PSTPIP1: variants seen among roughly 807,000 people sequenced by gnomAD.
PSTPIP1 encodes the protein proline-serine-threonine phosphatase interacting protein 1.
In PSTPIP1, 66 loss-of-function variants were observed where a neutral mutation model predicts 69.6. The ratio of observed to expected loss-of-function variants is 0.95; its 90% CI spans 0.78 to 1.16. The LOEUF (loss-of-function observed/expected upper bound fraction) is 1.16, where lower values mean the gene tolerates loss of function less well. Ranked by LOEUF, PSTPIP1 falls within the 50% of genes most tolerant of loss-of-function variation. PSTPIP1 has a pLI of 0.00. For synonymous variants in PSTPIP1, 266 were observed against 222.7 expected (o/e 1.19, Z -1.73); for missense variants, 603 against 557.4 (o/e 1.08, Z -0.82).
At chr15:77,010,931 C>T (rs187870253) in intron 1 of PSTPIP1, among the ~76,000 whole-genome samples, 1 of 152,286 alleles carries the variant, frequency 6.6e-6, no homozygotes, top group East Asian at 1.9e-4. Flanking sequence ...CAGTTGTGAG[C>T]CACCACGTCC....
chr15:77,020,881 T>TG (rs2076146972), intron 3 of PSTPIP1, among the ~76,000 whole-genome samples: 1 of 43,742 alleles, frequency 2.3e-5, no homozygotes, highest in African/African-American at 6.5e-5. Context: ...GGGGGGGGGG[T>TG]GTGTGTGTTG....
rs1405391731 is a variant in PSTPIP1 at position 77,025,319 on chromosome 15, G to GT, written c.247+2dup. The GT allele has an allele frequency of 1.2e-6, 2 of 1,609,084 alleles. No individual in the cohort carries two copies. The highest frequency in any genetic ancestry group is 3.3e-5 in the Admixed American group (2 of 60,018). On this transcript the variant is annotated splice_donor_variant, in intron 4 of 14. Transcript: ENST00000558012. LOFTEE classifies it high-confidence loss of function. ...GCCTCCTTTGACTCCTTGAAGCAGC[G>GT]TAAGTCCCCTACCCTGGGGCAATGG... is the stretch of plus-strand genomic sequence containing the variant.
chr15:77,001,087 T>G (rs1019750526), intron 1 of PSTPIP1, among the ~76,000 whole-genome samples: 1 of 152,198 alleles, frequency 6.6e-6, no homozygotes, highest in African/African-American at 2.4e-5. Flanking sequence ...GCTTGTGAAT[T>G]TGGTGACCAT....
At chr15:76,994,681 C>T (rs962677285), upstream of PSTPIP1, 3 of 1,133,924 alleles carry the variant, frequency 2.6e-6, no homozygotes, top group African/African-American at 4.8e-5. Context: ...TGCCTGCTCA[C>T]CTTGCCTCTG....
chr15:77,020,227 C>T (rs2152680212), intron 3 of PSTPIP1, among the ~76,000 whole-genome samples: 1 of 152,278 alleles, frequency 6.6e-6, no homozygotes. Flanking sequence ...GGTGGAGGCT[C>T]TGGGCGGCCC....
intron 1 of PSTPIP1, among the ~76,000 whole-genome samples, chr15:77,009,043 C>T (rs763860522): frequency 1.1e-4 from 17 of 152,196 alleles, no homozygotes; most frequent in Non-Finnish European, 2.2e-4. Context: ...ACTCTCTGAG[C>T]CTTGGTTCCT....
At position 77,037,367 on chromosome 15, in the gene PSTPIP1, T is replaced by A; in HGVS notation, c.*191T>A. The A allele has an allele frequency of 1.4e-6, 1 of 690,270 alleles. No individual in the cohort carries two copies. The highest frequency in any genetic ancestry group is 2.0e-5 in the South Asian group (1 of 50,234). The allele number at this position is 690,270 out of a possible 1,614,324, so 42.8% of individuals were successfully genotyped here. A position where few individuals can be genotyped will look rare whatever the true frequency, so the allele number is the denominator to read the frequency against. ...CTGGGGTCCCGTTCTCTTTTTCTCC[T>A]GCTCCAGTGTCCGAGTGCTCAGTTC... On this transcript the variant is annotated 3_prime_UTR_variant, in exon 15 of 15. Coordinates refer to ENST00000558012, the MANE Select transcript of PSTPIP1 (RefSeq NM_003978.5).
chr15:77,027,979 C>A lies in PSTPIP1; in HGVS notation c.417+65C>A. The A allele has an allele frequency of 1.4e-6, 2 of 1,406,014 alleles. No individual in the cohort carries two copies. Among genetic ancestry groups the A allele is most frequent in the Non-Finnish European group, 2.0e-6 (2 of 1,017,526 alleles). The allele number at this position is 1,406,014 out of a possible 1,614,324, so 87.1% of individuals were successfully genotyped here. On this transcript the variant is annotated intron_variant, in intron 6 of 14. Coordinates refer to ENST00000558012, the MANE Select transcript of PSTPIP1 (RefSeq NM_003978.5). The surrounding 1 kb of genome is among the most constrained non-coding windows in gnomAD (Gnocchi z 4.3). ...AGCAGCGCAGGTCTCAGGGTGCGAT[C>A]CTGGGCTGTGGCCCCGGGCAGGGCA...
At chr15:77,033,029 C>T in intron 12 of PSTPIP1, 77 bp downstream of exon 12, 1 of 1,395,204 alleles carries the variant, frequency 7.2e-7, no homozygotes, top group Non-Finnish European at 9.9e-7. Context: ...GCACCTGGCC[C>T]TTCCTCGTTC....
intron 1 of PSTPIP1, among the ~76,000 whole-genome samples, chr15:77,017,827 G>A (rs1286152434): frequency 6.6e-6 from 1 of 152,220 alleles, no homozygotes; most frequent in African/African-American, 2.4e-5. Flanking sequence ...GTCATCAGGG[G>A]GACTTAAGGG....
rs376128040 is a variant in PSTPIP1 at position 77,018,148 on chromosome 15, T to G, written c.37T>G (p.Cys13Gly). ...TGTGTCCTTCTGTCCTGTGTCACAG[T>G]GCAGGGACTTCACAGCCCACACGGG... ...PQLQFKDAFW[C>G]RDFTAHTGYE... is the part of the protein sequence containing the mutation. The change falls in exon 2 of 15, where the codon TGC (cysteine) becomes GGC (glycine). Residue 13 changes from cysteine (C) to glycine (G), a missense_variant and splice_region_variant. Cys to Gly is a radical substitution (Grantham distance 159). Coordinates refer to ENST00000558012, the MANE Select transcript of PSTPIP1 (RefSeq NM_003978.5). The G allele has an allele frequency of 1.1e-4, 177 of 1,575,050 alleles. No individual in the cohort carries two copies. The highest frequency in any genetic ancestry group is 1.3e-4 in the Admixed American group (7 of 53,572).
chr15:77,035,462 T>G, intron 12 of PSTPIP1, 46 bp from the exon 13 acceptor site: 4 of 1,548,042 alleles, frequency 2.6e-6, no homozygotes, highest in Non-Finnish European at 3.5e-6. Flanking sequence ...GGTGGGTCCC[T>G]GAGTGTGGGG....
intron 3 of PSTPIP1, among the ~76,000 whole-genome samples, chr15:77,024,785 C>T (rs565251211): frequency 2.0e-5 from 3 of 151,984 alleles, no homozygotes; most frequent in Middle Eastern, 3.4e-3. Context: ...TCAACTCCTG[C>T]GCCCTGCCCT....
chr15:76,995,617 A>G lies in PSTPIP1; in HGVS notation c.36+8A>G. On this transcript the variant is annotated splice_region_variant and intron_variant, in intron 1 of 14. Transcript: ENST00000558012. ...TTCAAAGATGCCTTTTGGGTGAGTG[A>G]GGATGGTTGGGGGCACTGAACAAGT... 1 of 1,613,344 alleles carries G rather than the reference A, an allele frequency of 6.2e-7. No individual in the cohort carries two copies. The highest frequency in any genetic ancestry group is 1.1e-5 in the South Asian group (1 of 91,052).
intron 14 of PSTPIP1, among the ~76,000 whole-genome samples, chr15:77,036,610 A>C (rs968009704): frequency 3.9e-5 from 6 of 152,086 alleles, no homozygotes; most frequent in African/African-American, 1.4e-4. Flanking sequence ...GACTCCACTG[A>C]TGAGGCCAGG....
rs1405142250 is a variant in PSTPIP1, at chr15:77,027,961, C to T, written c.417+47C>T. 1 of 1,481,938 alleles carries T rather than the reference C, an allele frequency of 6.7e-7. No homozygotes were observed. The highest frequency in any genetic ancestry group is 9.2e-7 in the Non-Finnish European group (1 of 1,085,580). The allele number at this position is 1,481,938 out of a possible 1,614,324, so 91.8% of individuals were successfully genotyped here. ...CGCGGCCTTCCCTCGAGGAGCAGCG[C>T]AGGTCTCAGGGTGCGATCCTGGGCT... On this transcript the variant is annotated intron_variant, in intron 6 of 14. Transcript: ENST00000558012. This position sits in a 1 kb window ranked among gnomAD's most constrained non-coding sequence, Gnocchi z 4.3.
intron 10 of PSTPIP1, 90 bp downstream of exon 10, chr15:77,031,368 C>CTGG (rs2076412797): frequency 7.3e-7 from 1 of 1,375,938 alleles, no homozygotes; most frequent in Admixed American, 1.7e-5. Flanking sequence ...CAACAAGCAC[C>CTGG]TGGTCCTCTG....
intron 1 of PSTPIP1, among the ~76,000 whole-genome samples, chr15:77,008,947 C>G (rs1306015054): frequency 6.6e-6 from 1 of 152,198 alleles, no homozygotes; most frequent in Non-Finnish European, 1.5e-5. Flanking sequence ...TTGGCAGGCG[C>G]CATCTTTGTC....
intron 1 of PSTPIP1, among the ~76,000 whole-genome samples, chr15:77,010,803 C>T (rs567173307): frequency 5.9e-5 from 9 of 152,088 alleles, no homozygotes; most frequent in Non-Finnish European, 1.2e-4. Context: ...CCCGCCACTA[C>T]GCCCAGCTAA....
Sources: allele counts gnomAD v4.1 joint callset (sites outside exome capture counted in the v4.1 genomes callset), GRCh38; gene constraint gnomAD v4.1.1; non-coding constraint Gnocchi (gnomAD v3.1); transcripts MANE v1.5; gene names NCBI Gene and HGNC (gene_info 2026-07-23, HGNC 2026-07-21).